The following TNS2 variants were observed in gnomAD, a reference collection of about 807,000 sequenced individuals.
The protein encoded by TNS2 is tensin 2.
In TNS2, 77 loss-of-function variants were observed where a neutral mutation model predicts 155.7. The ratio of observed to expected loss-of-function variants is 0.49; its 90% CI spans 0.41 to 0.60. TNS2 has a LOEUF of 0.60. Among genes scored for constraint, TNS2 ranks in the 20% least tolerant of loss-of-function variants. The probability of loss-of-function intolerance (pLI) is 0.00; values close to 1 mark genes in which losing one functional copy is unlikely to be tolerated. For synonymous variants in TNS2, 726 were observed against 763.9 expected (o/e 0.95, Z 0.82); for missense variants, 1,703 against 1,868.8 (o/e 0.91, Z 1.64).
chr12:53,054,215 T>C, intron 6 of TNS2, 55 bp from the exon 7 acceptor site: 1 of 1,607,022 alleles, frequency 6.2e-7, no homozygotes, highest in Non-Finnish European at 8.5e-7. Context: ...CCCGTCACAC[T>C]AGCCACCTCC....
In TNS2 at chr12:53,060,382, C is replaced by A. The variant is rs549619344; in HGVS notation, c.2618-23C>A. ...CAGAAGAGCCCCATCCTGCTCACAG[C>A]CCACCTCTCCCCTTCACTGCAGAGT... On this transcript the variant is annotated intron_variant, in intron 18 of 28. Coordinates refer to ENST00000314250, the MANE Select transcript of TNS2 (RefSeq NM_170754.4). This position sits in a 1 kb window ranked among gnomAD's most constrained non-coding sequence, Gnocchi z 6.1. 1.2e-6 allele frequency: 2 copies of A among 1,606,030 alleles called. No individual in the cohort carries two copies. The highest frequency in any genetic ancestry group is 3.3e-5 in the Admixed American group (2 of 59,734).
At chr12:53,062,042 G>A (rs1291271889) in intron 22 of TNS2, 102 bp downstream of exon 22, 13 of 1,611,212 alleles carry the variant, frequency 8.1e-6, no homozygotes, top group South Asian at 2.2e-5. Context: ...CCATGCCGCT[G>A]TAGAGGGGAG....
Position 53,060,891 on chromosome 12 carries a change from C to A in TNS2, c.2985C>A (p.His995Gln). ...DWPQERSPGG[H>Q]SDGASPRSPV... ...CTCAGGAAAGGAGTCCAGGGGGCCA[C>A]TCAGATGGCGCCAGTCCTCGGAGCC... Residue 995 changes from histidine to glutamine, a missense_variant, in exon 20 of 29, where the codon CAC (histidine) becomes CAA (glutamine). Physicochemically the swap from His to Gln is conservative, Grantham distance 24. Coordinates refer to ENST00000314250, the MANE Select transcript of TNS2 (RefSeq NM_170754.4). The surrounding 1 kb of genome is among the most constrained non-coding windows in gnomAD (Gnocchi z 6.1). The A allele has an allele frequency of 6.3e-7, 1 of 1,589,626 alleles. No individual in the cohort carries two copies. Among genetic ancestry groups the A allele is most frequent in the Non-Finnish European group, 8.6e-7 (1 of 1,166,226 alleles).
Position 53,060,513 on chromosome 12 carries a change from C to T in TNS2, c.2726C>T (p.Ser909Phe), listed in dbSNP as rs1944342963. The T allele has an allele frequency of 6.2e-7, 1 of 1,613,740 alleles. No individual in the cohort carries two copies. The highest frequency in any genetic ancestry group is 1.1e-5 in the South Asian group (1 of 91,088). ...GCTTCGTCAGAGTTGTCTGGTCCCT[C>T]CACGCCCCTGCACACCAGCAGTCCA... ...CSASSELSGP[S>F]TPLHTSSPVQ... is the part of the protein sequence containing the mutation. Residue 909 changes from serine (S) to phenylalanine (F), a missense_variant, in exon 19 of 29, where the codon TCC becomes TTC. Ser to Phe is a radical substitution (Grantham distance 155). Transcript: ENST00000314250. This position sits in a 1 kb window ranked among gnomAD's most constrained non-coding sequence, Gnocchi z 6.1.
rs777361789 is a variant in TNS2 at position 53,059,484 on chromosome 12, A to G, written c.1843A>G (p.Thr615Ala). 118 of 1,559,660 alleles carry G rather than the reference A, an allele frequency of 7.6e-5. No homozygotes were observed. In the Admixed American group the frequency reaches 8.5e-4, roughly 11 times the overall value. Residue 615 changes from threonine to alanine, a missense_variant, in exon 18 of 29, where the codon ACC (threonine) becomes GCC (alanine). By Grantham distance (58) the Thr-to-Ala change is moderately conservative. Transcript: ENST00000314250. The surrounding 1 kb of genome is among the most constrained non-coding windows in gnomAD (Gnocchi z 4.7). ...PNGGYYRPEG[T>A]LERRRLAYGG... ...TGGGGGCTACTACCGGCCAGAGGGA[A>G]CCCTGGAGAGGAGGCGACTGGCCTA...
rs1226663941 is a variant in TNS2 at position 53,062,650 on chromosome 12, T to C, written c.3776T>C (p.Val1259Ala). The C allele has an allele frequency of 6.2e-7, 1 of 1,613,908 alleles. No individual in the cohort carries two copies. The highest frequency in any genetic ancestry group is 1.3e-5 in the African/African-American group (1 of 74,910). Residue 1259 changes from valine (V) to alanine (A), a missense_variant, in exon 25 of 29, where the codon GTG becomes GCG. Physicochemically the swap from Val to Ala is moderately conservative, Grantham distance 64. Transcript: ENST00000314250. ...DPLEETPEAPVPTNMSTAADL... is the reference protein window; with the variant it reads ...DPLEETPEAPAPTNMSTAADL... ...CTGGAAGAGACCCCAGAGGCTCCAG[T>C]GCCCACCAACATGAGCACAGCGGCA...
intron 3 of TNS2, chr12:53,053,192 T>G: frequency 2.0e-6 from 1 of 489,900 alleles, no homozygotes; most frequent in Non-Finnish European, 3.5e-6. Context: ...CTGTGTGGGC[T>G]GGGGGCTGAG....
chr12:53,055,222 C>A lies in TNS2; in HGVS notation c.559C>A (p.Arg187Ser). 6.2e-7 allele frequency: 1 copy of A among 1,614,012 alleles called. No individual in the cohort carries two copies. Among genetic ancestry groups the A allele is most frequent in the Non-Finnish European group, 8.5e-7 (1 of 1,179,984 alleles). The change falls in exon 8 of 29, where the codon CGC becomes AGC. Residue 187 changes from arginine (R) to serine (S), a missense_variant. By Grantham distance (110) the Arg-to-Ser change is moderately radical. Transcript: ENST00000314250. ...NLSEKRHDLT[R>S]LNPKVQDFGW... Reference sequence around the variant, plus strand: ...TTCAGAGAAAAGGCATGACCTGACCCGCTTAAACCCCAAGGTATGAAGGAA... The same window carrying A: ...TTCAGAGAAAAGGCATGACCTGACCAGCTTAAACCCCAAGGTATGAAGGAA...
At chr12:53,053,911 T>C in intron 5 of TNS2, 54 bp from the exon 6 acceptor site, 1 of 1,614,028 alleles carries the variant, frequency 6.2e-7, no homozygotes, top group Non-Finnish European at 8.5e-7. Context: ...GAGTGGGCAG[T>C]CTAGAGTAGG....
intron 1 of TNS2, among the ~76,000 whole-genome samples, chr12:53,051,497 C>G (rs1222132018): frequency 7.1e-6 from 1 of 141,532 alleles, no homozygotes; most frequent in Non-Finnish European, 1.5e-5. Context: ...GGTCTCCATG[C>G]GGGGAGGACA....
intron 4 of TNS2, 57 bp from the exon 5 acceptor site, chr12:53,053,717 T>G (rs1478750971): frequency 2.2e-5 from 35 of 1,598,024 alleles, no homozygotes; most frequent in Non-Finnish European, 3.0e-5. Flanking sequence ...AGGCCCACAT[T>G]GGTCCTTGCC....
At chr12:53,047,408 C>G (rs1433545809), upstream of TNS2, among the ~76,000 whole-genome samples, 3 of 145,426 alleles carry the variant, frequency 2.1e-5, no homozygotes, top group Admixed American at 6.8e-5. Flanking sequence ...GGGCGGCGGT[C>G]TCTGCGTCAC....
At chr12:53,052,550 A>T in intron 3 of TNS2, 58 bp downstream of exon 3, 1 of 1,608,512 alleles carries the variant, frequency 6.2e-7, no homozygotes, top group Non-Finnish European at 8.5e-7. Flanking sequence ...TCCTCCTCCC[A>T]AACAGGCTTC....
In TNS2 at chr12:53,062,870, CAA is replaced by C. The variant is rs1944427341; in HGVS notation, c.3823+175_3823+176del. The stretch of plus-strand genomic sequence containing the variant: ...GAATTGGGTCCTCAGCCTAGGTTCT[CAA>C]AGTCTCATGAACAAGACGATCATGG... On this transcript the variant is annotated intron_variant, in intron 25 of 28. Transcript: ENST00000314250. The C allele has an allele frequency of 1.0e-5, 10 of 962,950 alleles. No homozygotes were observed. The Admixed American group carries it at 2.4e-4, about 23-fold the overall frequency. 59.7% of individuals were successfully genotyped at this position (962,950 alleles called of 1,614,324 possible). A position where few individuals can be genotyped will look rare whatever the true frequency, so the allele number is the denominator to read the frequency against.
At chr12:53,055,132 C>G in intron 7 of TNS2, 54 bp from the exon 8 acceptor site, 2 of 1,587,118 alleles carry the variant, frequency 1.3e-6, no homozygotes, top group African/African-American at 2.7e-5. Flanking sequence ...ACCTCCACCT[C>G]GTGCCTCATT....
At position 53,063,080 on chromosome 12, in the gene TNS2, C is replaced by T. The variant is rs1379895614; in HGVS notation, c.3824-9C>T. 1 of 1,525,018 alleles carries T rather than the reference C, an allele frequency of 6.6e-7. No individual in the cohort carries two copies. Among genetic ancestry groups the T allele is most frequent in the Non-Finnish European group, 8.8e-7 (1 of 1,139,138 alleles). The allele number at this position is 1,525,018 out of a possible 1,614,324, so 94.5% of individuals were successfully genotyped here. On this transcript the variant is annotated splice_polypyrimidine_tract_variant and intron_variant, in intron 25 of 28. Transcript: ENST00000314250. The surrounding 1 kb of genome is among the most constrained non-coding windows in gnomAD (Gnocchi z 5.6). Reference sequence around the variant, plus strand: ...CACTCCCTCCCTGACCCACTCCCTGCCCCTGTAGCCTGCAGCGTGCTCTAC... The same window carrying T: ...CACTCCCTCCCTGACCCACTCCCTGTCCCTGTAGCCTGCAGCGTGCTCTAC...
rs991760575 is a variant in TNS2 at position 53,063,932 on chromosome 12, A to G, written c.*50A>G. 17 of 1,596,510 alleles carry G rather than the reference A, an allele frequency of 1.1e-5. 1 individual carries two copies. The South Asian group carries it at 1.9e-4, about 18-fold the overall frequency. The stretch of plus-strand genomic sequence containing the variant: ...ACATCAACACTGCCCCCCTCCCAGC[A>G]CCCCACAGCCCTCACATCCCCTGGC... On this transcript the variant is annotated 3_prime_UTR_variant, in exon 29 of 29. Transcript: ENST00000314250. The surrounding 1 kb of genome is among the most constrained non-coding windows in gnomAD (Gnocchi z 5.6).
Position 53,063,333 on chromosome 12 carries a change from A to T in TNS2, c.3993-16A>T. The stretch of plus-strand genomic sequence containing the variant: ...CATGTTTCTGAGTGTGACCTTCCTC[A>T]CCCTCCTCCTTGCAGGCTCTTCTTT... On this transcript the variant is annotated splice_polypyrimidine_tract_variant and intron_variant, in intron 26 of 28. Transcript: ENST00000314250. This position sits in a 1 kb window ranked among gnomAD's most constrained non-coding sequence, Gnocchi z 5.6. 6.2e-7 allele frequency: 1 copy of T among 1,613,664 alleles called. No individual in the cohort carries two copies. Among genetic ancestry groups the T allele is most frequent in the South Asian group, 1.1e-5 (1 of 91,066 alleles).
upstream of TNS2, among the ~76,000 whole-genome samples, chr12:53,047,233 G>A (rs923248582): frequency 2.6e-3 from 361 of 140,266 alleles, 3 homozygotes; most frequent in Middle Eastern, 0.019. Flanking sequence ...AGCCGAGCCC[G>A]GCCGCCCGCT....
Sources: allele counts gnomAD v4.1 joint callset (sites outside exome capture counted in the v4.1 genomes callset), GRCh38; gene constraint gnomAD v4.1.1; non-coding constraint Gnocchi (gnomAD v3.1); transcripts MANE v1.5; gene names NCBI Gene and HGNC (gene_info 2026-07-23, HGNC 2026-07-21).